PDE5A: variants seen among roughly 807,000 people sequenced by gnomAD.
The protein encoded by PDE5A is phosphodiesterase 5A, also known as cGMP-specific 3',5'-cyclic phosphodiesterase.
PDE5A carries 67 observed loss-of-function variants against 110.2 expected under a neutral mutation model. The ratio of observed to expected loss-of-function variants is 0.61; its 90% CI spans 0.50 to 0.75. The LOEUF (loss-of-function observed/expected upper bound fraction) is 0.75, where lower values mean the gene tolerates loss of function less well. Among genes scored for constraint, PDE5A ranks in the 30% least tolerant of loss-of-function variants. The pLI is 0.00. For missense variants in PDE5A, 862 were observed against 1,045.1 expected (o/e 0.82, Z 2.42); for synonymous variants, 328 against 351.2 (o/e 0.93, Z 0.74).
In PDE5A at chr4:119,606,919, A is replaced by G. The variant is rs779508254; in HGVS notation, c.531T>C (p.His177=). Residue 177 remains histidine, a synonymous_variant, in exon 2 of 21, where the codon CAT becomes CAC. Transcript: ENST00000354960. ...ALCHKIFLHI[H]GLISADRYSL... is the part of the protein sequence containing the mutation. Reference sequence around the variant, plus strand: ...AATAGCGGTCAGCAGATATCAGTCCATGGATATGCAAGAAAATTTTGTGAC... The same window carrying G: ...AATAGCGGTCAGCAGATATCAGTCCGTGGATATGCAAGAAAATTTTGTGAC... 1.9e-6 allele frequency: 3 copies of G among 1,614,152 alleles called. No individual in the cohort carries two copies. In the African/African-American group the frequency reaches 4.0e-5, roughly 22 times the overall value.
chr4:119,501,282 C>T, intron 19 of PDE5A, 29 bp from the exon 20 acceptor site: 4 of 1,229,008 alleles, frequency 3.3e-6, no homozygotes, highest in South Asian at 1.2e-5. Context: ...ACCAGACACA[C>T]AGATGTGCAT....
At chr4:119,562,085 A>G (rs570131336) in intron 6 of PDE5A, among the ~76,000 whole-genome samples, 13 of 152,372 alleles carry the variant, frequency 8.5e-5, no homozygotes, top group South Asian at 2.1e-4. Context: ...AACTACAGCA[A>G]AAAGAAATAT....
rs913373289 is a variant in PDE5A at position 119,496,983 on chromosome 4, A to G, written c.*1618T>C. Reference sequence around the variant, plus strand: ...ACCAGAATGATAAAAATAAAACTGCATTATGTCAAGATATTTGTACACACT... The same window carrying G: ...ACCAGAATGATAAAAATAAAACTGCGTTATGTCAAGATATTTGTACACACT... On this transcript the variant is annotated 3_prime_UTR_variant, in exon 21 of 21. Coordinates refer to ENST00000354960, the MANE Select transcript of PDE5A (RefSeq NM_001083.4). 1 of 152,176 alleles carries G rather than the reference A, an allele frequency of 6.6e-6. No homozygotes were observed. Among genetic ancestry groups the G allele is most frequent in the Non-Finnish European group, 1.5e-5 (1 of 68,000 alleles). 9.4% of individuals were successfully genotyped at this position (152,176 alleles called of 1,614,324 possible).
chr4:119,526,151 T>C (rs1456030241), intron 11 of PDE5A, among the ~76,000 whole-genome samples: 2 of 152,172 alleles, frequency 1.3e-5, no homozygotes, highest in Non-Finnish European at 2.9e-5. Flanking sequence ...GACAGCCTTA[T>C]GAAGTGGACA....
chr4:119,510,843 T>C (rs1560596207), intron 15 of PDE5A, among the ~76,000 whole-genome samples: 1 of 152,128 alleles, frequency 6.6e-6, no homozygotes, highest in African/African-American at 2.4e-5. Context: ...ATTTCCCTTA[T>C]TGGGCAACAT....
rs1553926459 is a variant in PDE5A at position 119,558,929 on chromosome 4, A to AAG, written c.1199+1366_1199+1367insCT. 1.4e-3 allele frequency among the ~76,000 whole-genome samples: 205 copies of AAG among 150,244 alleles called. 2 individuals are homozygous for AAG. The highest frequency in any genetic ancestry group is 4.6e-3 in the African/African-American group (190 of 41,058). On this transcript the variant is annotated intron_variant, in intron 7 of 20. Coordinates refer to ENST00000354960, the MANE Select transcript of PDE5A (RefSeq NM_001083.4). ...GAGACTCCGTCTCAAAAAAAAAAAA[A>AAG]AAAAAAGCTAACTTTAAATGTTTAG...
Position 119,565,353 on chromosome 4 carries a change from C to T in PDE5A, c.961G>A (p.Glu321Lys). 2 of 1,612,402 alleles carry T rather than the reference C, an allele frequency of 1.2e-6. No individual in the cohort carries two copies. Among genetic ancestry groups the T allele is most frequent in the Non-Finnish European group, 1.7e-6 (2 of 1,178,912 alleles). ...GIVLHNAQLY[E>K]TSLLENKRNQ... ...CTCTTGTTCTCCAGCAGTGAAGTCT[C>T]ATAGAGCTGAGCATTATGAAGAACA... The change falls in exon 5 of 21, where the codon GAG becomes AAG. Residue 321 changes from glutamate to lysine, a missense_variant. Glu to Lys is a moderately conservative substitution (Grantham distance 56, BLOSUM62 1). Transcript: ENST00000354960.
At chr4:119,622,816 ATTGCGCCACTGCACTC>A (rs1730199127) in intron 1 of PDE5A, among the ~76,000 whole-genome samples, 2 of 133,182 alleles carry the variant, frequency 1.5e-5, no homozygotes, top group African/African-American at 5.6e-5. Flanking sequence ...ATGAGCCGAG[ATTGCGCCACTGCACTC>A]CAGCCTGGGT....
In PDE5A at chr4:119,627,349, G is replaced by GCCGCC. The variant is rs1267326550; in HGVS notation, c.152+1166_152+1170dup. The GCCGCC allele has an allele frequency of 3.8e-6, 4 of 1,041,538 alleles. No homozygotes were observed. The allele number at this position is 1,041,538 out of a possible 1,614,324, so 64.5% of individuals were successfully genotyped here. On this transcript the variant is annotated intron_variant, in intron 1 of 20. Coordinates refer to ENST00000354960, the MANE Select transcript of PDE5A (RefSeq NM_001083.4). The surrounding 1 kb of genome is among the most constrained non-coding windows in gnomAD (Gnocchi z 4.6). The stretch of plus-strand genomic sequence containing the variant: ...TCGCCTCCCGCTCGCCCCGCGCTGC[G>GCCGCC]CCGCCCCCTGGCGGGGAGCGACCGG...
rs55997249 is a variant in PDE5A at position 119,592,456 on chromosome 4, TAAA to T, written c.831+4064_831+4066del. ...CTGGGTGACAGAGCGAGACTCTGTT[TAAA>T]AAAAAAAAAAAAAAAAAAAAAAAAA... On this transcript the variant is annotated intron_variant, in intron 3 of 20. Transcript: ENST00000354960. 2.5e-3 allele frequency among the ~76,000 whole-genome samples: 167 copies of T among 66,160 alleles called. 2 individuals carry two copies. The highest frequency in any genetic ancestry group is 7.6e-3 in the African/African-American group (117 of 15,300). The allele number at this position is 66,160 out of a possible 152,430, so 43.4% of individuals were successfully genotyped here. A position where few individuals can be genotyped will look rare whatever the true frequency, so the allele number is the denominator to read the frequency against.
intron 20 of PDE5A, chr4:119,500,268 T>C (rs1027520704): frequency 1.3e-4 from 19 of 151,784 alleles, no homozygotes; most frequent in Non-Finnish European, 2.8e-4. Context: ...CCTAGTTTTT[T>C]TTTTTTTTTT....
chr4:119,613,548 T>C (rs1187571113), intron 1 of PDE5A, among the ~76,000 whole-genome samples: 20 of 152,132 alleles, frequency 1.3e-4, no homozygotes, highest in Non-Finnish European at 1.5e-5. Flanking sequence ...TTCTGGCATA[T>C]GAAGTTAGGT....
chr4:119,529,953 T>G (rs1378339052), intron 11 of PDE5A, among the ~76,000 whole-genome samples: 3 of 152,038 alleles, frequency 2.0e-5, no homozygotes, highest in African/African-American at 7.2e-5. Context: ...AAATGCAAAT[T>G]CTTGGGTCCC....
intron 5 of PDE5A, among the ~76,000 whole-genome samples, chr4:119,563,521 T>G (rs1727818016): frequency 6.6e-6 from 1 of 152,096 alleles, no homozygotes; most frequent in Admixed American, 6.6e-5. Context: ...AAAAACTTAG[T>G]GGAGGTGACG....
chr4:119,603,374 A>AC (rs1729410995), intron 2 of PDE5A, among the ~76,000 whole-genome samples: 1 of 78,984 alleles, frequency 1.3e-5, no homozygotes, highest in African/African-American at 4.3e-5. Context: ...GGCTTAAAAT[A>AC]AATACATACA....
intron 15 of PDE5A, among the ~76,000 whole-genome samples, chr4:119,509,382 G>C (rs1272459117): frequency 6.6e-6 from 1 of 152,048 alleles, no homozygotes; most frequent in African/African-American, 2.4e-5. Flanking sequence ...TGTTGAGACA[G>C]TAACTCTGCT....
chr4:119,621,922 G>A (rs542580638), intron 1 of PDE5A, among the ~76,000 whole-genome samples: 1 of 152,294 alleles, frequency 6.6e-6, no homozygotes, highest in South Asian at 2.1e-4. Context: ...TGTAATCCCA[G>A]CACTTTGGGA....
chr4:119,501,965 T>C (rs1156255230), intron 19 of PDE5A, among the ~76,000 whole-genome samples: 1 of 151,968 alleles, frequency 6.6e-6, no homozygotes, highest in Non-Finnish European at 1.5e-5. Context: ...CTATGATAGA[T>C]GAAACACTGC....
intron 1 of PDE5A, among the ~76,000 whole-genome samples, chr4:119,622,476 G>A (rs1056576602): frequency 3.9e-5 from 6 of 151,966 alleles, no homozygotes; most frequent in African/African-American, 1.5e-4. Flanking sequence ...CAGAATCAAG[G>A]GAAAAGTCTC....
Sources: allele counts gnomAD v4.1 joint callset (sites outside exome capture counted in the v4.1 genomes callset), GRCh38; gene constraint gnomAD v4.1.1; non-coding constraint Gnocchi (gnomAD v3.1); transcripts MANE v1.5; gene names NCBI Gene and HGNC (gene_info 2026-07-23, HGNC 2026-07-21).